CCDC178: variants seen among roughly 807,000 people sequenced by gnomAD.
CCDC178 encodes coiled-coil domain-containing protein 178.
A neutral mutation model predicts 117.4 loss-of-function variants in CCDC178; 126 were observed. The observed-to-expected ratio is 1.07, with a 90% CI of 0.93 to 1.24. The LOEUF (loss-of-function observed/expected upper bound fraction) is 1.24, where lower values mean the gene tolerates loss of function less well. CCDC178 is among the 50% of genes most tolerant of loss of function. CCDC178 has a pLI of 0.00. For missense variants in CCDC178, 1,030 were observed against 986.9 expected (o/e 1.04, Z -0.59); for synonymous variants, 283 against 313.4 (o/e 0.90, Z 1.02).
chr18:33,140,878 C>A (rs1020036531), intron 20 of CCDC178, among the ~76,000 whole-genome samples: 2 of 152,170 alleles, frequency 1.3e-5, no homozygotes, highest in African/African-American at 2.4e-5. Context: ...TGGATTATAA[C>A]CCTCACAATT....
chr18:33,378,872 A>T (rs1486947005), intron 5 of CCDC178, among the ~76,000 whole-genome samples: 4 of 151,850 alleles, frequency 2.6e-5, no homozygotes, highest in Non-Finnish European at 5.9e-5. Context: ...ATTTATGTTC[A>T]TCAAGGATAT....
intron 20 of CCDC178, among the ~76,000 whole-genome samples, chr18:33,141,307 T>A (rs925690947): frequency 3.3e-5 from 5 of 152,228 alleles, no homozygotes; most frequent in South Asian, 2.1e-4. Flanking sequence ...TTATAGTTAG[T>A]TATTGCCTTT....
chr18:32,999,633 C>A (rs557172086), intron 21 of CCDC178, among the ~76,000 whole-genome samples: 17 of 152,222 alleles, frequency 1.1e-4, no homozygotes, highest in Admixed American at 3.3e-4. Flanking sequence ...CCATGCAGCT[C>A]AGCACAGAGA....
intron 5 of CCDC178, among the ~76,000 whole-genome samples, chr18:33,385,683 T>C (rs1187471032): frequency 6.6e-6 from 1 of 152,282 alleles, no homozygotes; most frequent in East Asian, 1.9e-4. Context: ...AGCAACAATG[T>C]ATCAGAATCT....
Position 33,051,205 on chromosome 18 carries a change from C to T in CCDC178, c.2388+41556G>A, listed in dbSNP as rs79615822. Among the ~76,000 whole-genome samples the T allele has an allele frequency of 3.9e-3, 601 of 152,244 alleles. 8 individuals carry two copies. The highest frequency in any genetic ancestry group is 0.029 in the Admixed American group (447 of 15,284). ...GGGATTACATGCATAAGCCACTGCA[C>T]CCAGCCTGATCATCAATGTTTTCAC... On this transcript the variant is annotated intron_variant, in intron 21 of 22. Transcript: ENST00000383096.
chr18:33,255,381 C>T (rs1444725368), intron 14 of CCDC178, among the ~76,000 whole-genome samples: 1 of 152,064 alleles, frequency 6.6e-6, no homozygotes, highest in Non-Finnish European at 1.5e-5. Flanking sequence ...AGTCTGGAAG[C>T]ATGACTTTAT....
In CCDC178 at chr18:33,019,607, T is replaced by A. The variant is rs9951450; in HGVS notation, c.2389-44926A>T. Among the ~76,000 whole-genome samples, 273 of 152,240 alleles carry A rather than the reference T, an allele frequency of 1.8e-3. 4 individuals are homozygous for A. The highest frequency in any genetic ancestry group is 6.3e-3 in the African/African-American group (261 of 41,568). On this transcript the variant is annotated intron_variant, in intron 21 of 22. Transcript: ENST00000383096. ...CAAAAAATCATTTATTGAGCTCTTA[T>A]ACCATTAGATGCTGTGAAAGGTGCC... is the stretch of plus-strand genomic sequence containing the variant.
chr18:33,398,752 C>T (rs1432305874), intron 3 of CCDC178, among the ~76,000 whole-genome samples: 1 of 152,046 alleles, frequency 6.6e-6, no homozygotes, highest in African/African-American at 2.4e-5. Context: ...AAGTTCAGTT[C>T]TAGACAACTG....
At chr18:33,089,432 T>G (rs573094598) in intron 21 of CCDC178, among the ~76,000 whole-genome samples, 30 of 152,042 alleles carry the variant, frequency 2.0e-4, no homozygotes, top group Non-Finnish European at 3.2e-4. Context: ...TCCCCAGGAT[T>G]ATTGAGAGAC....
intron 22 of CCDC178, among the ~76,000 whole-genome samples, chr18:32,939,415 T>C (rs2144580555): frequency 6.6e-6 from 1 of 152,214 alleles, no homozygotes; most frequent in African/African-American, 2.4e-5. Context: ...TTTTAAAGGA[T>C]TTCATAATTG....
chr18:33,003,620 A>C (rs1303271636), intron 21 of CCDC178, among the ~76,000 whole-genome samples: 1 of 152,140 alleles, frequency 6.6e-6, no homozygotes, highest in Non-Finnish European at 1.5e-5. Flanking sequence ...TAAGATCTGG[A>C]ACATGACAAG....
intron 20 of CCDC178, among the ~76,000 whole-genome samples, chr18:33,210,249 C>T (rs192386123): frequency 5.5e-4 from 83 of 151,952 alleles, no homozygotes; most frequent in Admixed American, 1.7e-3. Flanking sequence ...GATAGGCAGA[C>T]AAAAGACAGG....
intron 20 of CCDC178, among the ~76,000 whole-genome samples, chr18:33,120,251 G>A (rs942991725): frequency 4.0e-5 from 6 of 151,872 alleles, no homozygotes; most frequent in African/African-American, 1.4e-4. Flanking sequence ...ATTAGAAATT[G>A]AGACTTACTC....
intron 20 of CCDC178, among the ~76,000 whole-genome samples, chr18:33,196,476 C>A (rs149042170): frequency 5.3e-5 from 8 of 152,212 alleles, no homozygotes; most frequent in African/African-American, 1.9e-4. Context: ...TTATAGACAG[C>A]ACTTTTCTGA....
intron 20 of CCDC178, among the ~76,000 whole-genome samples, chr18:33,124,731 C>G (rs2144228099): frequency 6.6e-6 from 1 of 152,192 alleles, no homozygotes; most frequent in East Asian, 1.9e-4. Flanking sequence ...GAACATTTTC[C>G]TTAAATGGGA....
chr18:33,315,331 G>A (rs956950565), intron 11 of CCDC178, among the ~76,000 whole-genome samples: 3 of 152,052 alleles, frequency 2.0e-5, no homozygotes, highest in South Asian at 2.1e-4. Context: ...TAAAAACAAC[G>A]AAAAGACATT....
chr18:32,992,526 A>C (rs2055415612), intron 21 of CCDC178, among the ~76,000 whole-genome samples: 1 of 152,214 alleles, frequency 6.6e-6, no homozygotes, highest in Non-Finnish European at 1.5e-5. Context: ...GGAAGAGAAA[A>C]GGTATATAGA....
intron 2 of CCDC178, among the ~76,000 whole-genome samples, chr18:33,429,724 A>T (rs1485117571): frequency 6.6e-6 from 1 of 152,186 alleles, no homozygotes; most frequent in Non-Finnish European, 1.5e-5. Context: ...TTATCTAGCA[A>T]ATTTAAATTC....
intron 22 of CCDC178, among the ~76,000 whole-genome samples, chr18:32,963,728 C>A (rs1427584199): frequency 1.3e-5 from 2 of 152,104 alleles, no homozygotes; most frequent in East Asian, 3.9e-4. Flanking sequence ...AAGTGCTCTT[C>A]TTACTGCCCT....
Sources: allele counts gnomAD v4.1 joint callset (sites outside exome capture counted in the v4.1 genomes callset), GRCh38; gene constraint gnomAD v4.1.1; transcripts MANE v1.5; gene names NCBI Gene and HGNC (gene_info 2026-07-23, HGNC 2026-07-21).